Variants in HPSE2 observed in about 807,000 individuals in gnomAD.
The protein encoded by HPSE2 is inactive heparanase-2.
HPSE2 carries 38 observed loss-of-function variants against 60.5 expected under a neutral mutation model. The observed-to-expected ratio is 0.63, with a 90% CI of 0.48 to 0.82. HPSE2 has a LOEUF of 0.82. Among genes scored for constraint, HPSE2 ranks in the 40% least tolerant of loss-of-function variants. The probability of loss-of-function intolerance (pLI) is 0.00; values close to 1 mark genes in which losing one functional copy is unlikely to be tolerated. For missense variants in HPSE2, 713 were observed against 740.4 expected, an observed-to-expected ratio of 0.96 and a Z score of 0.43; for synonymous variants, 295 against 293.2, an observed-to-expected ratio of 1.01 and a Z score of -0.06.
In HPSE2 at chr10:99,115,108, G is replaced by C. The variant is rs182941478; in HGVS notation, c.610+29130C>G. Among the ~76,000 whole-genome samples the C allele has an allele frequency of 4.5e-3, 681 of 151,364 alleles. 3 individuals are homozygous for C. The highest frequency in any genetic ancestry group is 0.016 in the African/African-American group (651 of 41,316). Reference sequence around the variant, plus strand: ...AAGGGATCCTCCTGCCTGAGCCAACGGGGAAGCTGGGACTATACACATGCA... The same window carrying C: ...AAGGGATCCTCCTGCCTGAGCCAACCGGGAAGCTGGGACTATACACATGCA... On this transcript the variant is annotated intron_variant, in intron 3 of 11. Transcript: ENST00000370552.
intron 9 of HPSE2, among the ~76,000 whole-genome samples, chr10:98,552,593 G>T (rs1943894319): frequency 6.6e-6 from 1 of 152,114 alleles, no homozygotes; most frequent in African/African-American, 2.4e-5. Context: ...TGGGCTTTTT[G>T]TCTTATTTCA....
the HPSE2 span, among the ~76,000 whole-genome samples, chr10:99,285,463 G>A: frequency 8.9e-6 from 1 of 112,484 alleles, no homozygotes; most frequent in East Asian, 2.8e-4. Flanking sequence ...GAAAGAAAGG[G>A]AAGGAAGGAA....
chr10:98,660,918 T>C (rs1187839117), intron 6 of HPSE2, among the ~76,000 whole-genome samples: 1 of 152,204 alleles, frequency 6.6e-6, no homozygotes, highest in African/African-American at 2.4e-5. Flanking sequence ...TTAGGTTCCA[T>C]TATCCTAATT....
chr10:98,773,638 C>A (rs968297579), intron 3 of HPSE2, among the ~76,000 whole-genome samples: 1 of 152,148 alleles, frequency 6.6e-6, no homozygotes, highest in Non-Finnish European at 1.5e-5. Flanking sequence ...AGGAAATAAT[C>A]AGAATGGGAT....
chr10:98,804,338 G>C (rs1263429219), intron 3 of HPSE2, among the ~76,000 whole-genome samples: 1 of 151,810 alleles, frequency 6.6e-6, no homozygotes, highest in Non-Finnish European at 1.5e-5. Context: ...ACAAAATGAA[G>C]AGATAACCCA....
At chr10:98,731,840 T>C (rs1949236391) in intron 4 of HPSE2, among the ~76,000 whole-genome samples, 1 of 152,158 alleles carries the variant, frequency 6.6e-6, no homozygotes, top group Non-Finnish European at 1.5e-5. Context: ...AAAACTGTTA[T>C]TATTCTCAGA....
intron 2 of HPSE2, among the ~76,000 whole-genome samples, chr10:99,230,210 T>TA (rs1301443746): frequency 6.6e-6 from 1 of 152,088 alleles, no homozygotes; most frequent in Non-Finnish European, 1.5e-5. Context: ...GTAGTCTAGA[T>TA]AAAAAACAGC....
the HPSE2 span, among the ~76,000 whole-genome samples, chr10:99,279,896 T>C: frequency 6.6e-6 from 1 of 152,188 alleles, no homozygotes; most frequent in Non-Finnish European, 1.5e-5. Context: ...CCATACTCTG[T>C]ATATGAAAAT....
chr10:98,668,384 G>C (rs1438263343), intron 6 of HPSE2, among the ~76,000 whole-genome samples: 1 of 152,110 alleles, frequency 6.6e-6, no homozygotes, highest in East Asian at 1.9e-4. Context: ...AAACACCAAT[G>C]TCATTTTTCA....
At chr10:98,898,048 C>T (rs181294057) in intron 3 of HPSE2, among the ~76,000 whole-genome samples, 2 of 152,128 alleles carry the variant, frequency 1.3e-5, no homozygotes, top group East Asian at 1.9e-4. Flanking sequence ...TATGAACAGA[C>T]ACCGTATCAA....
At chr10:98,516,114 G>A (rs952294774) in intron 9 of HPSE2, among the ~76,000 whole-genome samples, 3 of 152,158 alleles carry the variant, frequency 2.0e-5, no homozygotes, top group Non-Finnish European at 4.4e-5. Flanking sequence ...AAGGGTCCGT[G>A]TTTGTTCATA....
Position 99,004,423 on chromosome 10 carries a change from C to T in HPSE2, c.610+139815G>A, listed in dbSNP as rs554997854. ...ATCTTACTTCTGATCTTTGGTGTATCGATTATAGGTTTTTGCTTTGTGGTT... is the reference window on the plus strand; with the variant it reads ...ATCTTACTTCTGATCTTTGGTGTATTGATTATAGGTTTTTGCTTTGTGGTT... On this transcript the variant is annotated intron_variant, in intron 3 of 11. Coordinates refer to ENST00000370552, the MANE Select transcript of HPSE2 (RefSeq NM_021828.5). Among the ~76,000 whole-genome samples, 12 of 151,396 alleles carry T rather than the reference C, an allele frequency of 7.9e-5. No individual in the cohort carries two copies. In the South Asian group the frequency reaches 1.2e-3, roughly 16 times the overall value.
chr10:99,151,532 C>A (rs1253488774), intron 2 of HPSE2, among the ~76,000 whole-genome samples: 2 of 151,970 alleles, frequency 1.3e-5, no homozygotes, highest in Non-Finnish European at 2.9e-5. Context: ...AAACTCAGCA[C>A]AAAGAGATCC....
At chr10:98,964,621 A>G (rs1955767712) in intron 3 of HPSE2, among the ~76,000 whole-genome samples, 1 of 152,194 alleles carries the variant, frequency 6.6e-6, no homozygotes, top group African/African-American at 2.4e-5. Flanking sequence ...GTATTCATCA[A>G]GGATCTATTT....
chr10:98,879,875 G>GTGTGTGTGTGA (rs1952976124), intron 3 of HPSE2, among the ~76,000 whole-genome samples: 1 of 151,638 alleles, frequency 6.6e-6, no homozygotes, highest in Non-Finnish European at 1.5e-5. Context: ...GTGTGTGTGT[G>GTGTGTGTGTGA]TGTGTGTGTG....
In HPSE2 at chr10:98,476,237, A is replaced by G. The variant is rs550370868; in HGVS notation, c.1613+6399T>C. ...CTAACACAAGGACAAAAAACCAAAC[A>G]CTGCATGTTCTCACTCATAGATGGG... On this transcript the variant is annotated intron_variant, in intron 11 of 11. Coordinates refer to ENST00000370552, the MANE Select transcript of HPSE2 (RefSeq NM_021828.5). 2.1e-4 allele frequency among the ~76,000 whole-genome samples: 31 copies of G among 146,846 alleles called. 1 individual carries two copies. The highest frequency in any genetic ancestry group is 6.9e-3 in the Middle Eastern group (2 of 288).
chr10:98,484,656 T>C (rs1221636433), intron 10 of HPSE2, among the ~76,000 whole-genome samples: 2 of 152,258 alleles, frequency 1.3e-5, no homozygotes, highest in Non-Finnish European at 1.5e-5. Context: ...TATTTTAATA[T>C]ATAAAAGTTA....
intron 3 of HPSE2, among the ~76,000 whole-genome samples, chr10:99,143,867 T>C (rs1185915048): frequency 6.6e-6 from 1 of 152,064 alleles, no homozygotes; most frequent in Admixed American, 6.5e-5. Context: ...CATTATCTCT[T>C]TTACATTTCA....
intron 9 of HPSE2, among the ~76,000 whole-genome samples, chr10:98,502,389 C>A (rs1942054630): frequency 6.6e-6 from 1 of 152,060 alleles, no homozygotes; most frequent in South Asian, 2.1e-4. Context: ...ACCTAGGAAT[C>A]AACCCACATA....
Sources: gnomAD v4.1 joint callset for allele counts (sites outside exome capture counted in the v4.1 genomes callset) on GRCh38, gnomAD v4.1.1 for gene constraint, MANE v1.5 for transcripts, NCBI Gene and HGNC (gene_info 2026-07-23, HGNC 2026-07-21) for gene names.